Variants in RALGAPB observed in about 807,000 individuals in gnomAD.
RALGAPB encodes ral GTPase-activating protein subunit beta.
RALGAPB carries 25 observed loss-of-function variants against 161.1 expected under a neutral mutation model. That is an observed-to-expected ratio of 0.16 (90% CI 0.11 to 0.22). RALGAPB has a LOEUF of 0.22. Among genes scored for constraint, RALGAPB ranks in the 10% least tolerant of loss-of-function variants. The pLI is 1.00. For synonymous variants in RALGAPB, 629 were observed against 626.1 expected, an observed-to-expected ratio of 1.00 and a Z score of -0.07; for missense variants, 1,391 against 1,815.2, an observed-to-expected ratio of 0.77 and a Z score of 4.25.
chr20:38,549,534 A>T (rs1328815295), intron 20 of RALGAPB, among the ~76,000 whole-genome samples: 2 of 135,508 alleles, frequency 1.5e-5, no homozygotes, highest in Admixed American at 7.4e-5. Flanking sequence ...CAGCCTAATT[A>T]AAAAAAAAAA....
At chr20:38,566,885 A>G (rs2088019825) in intron 25 of RALGAPB, among the ~76,000 whole-genome samples, 1 of 152,248 alleles carries the variant, frequency 6.6e-6, no homozygotes, top group African/African-American at 2.4e-5. Context: ...AATAAAATAT[A>G]AAGAAGAATA....
chr20:38,529,763 C>T (rs1472377044), intron 13 of RALGAPB, among the ~76,000 whole-genome samples: 3 of 152,072 alleles, frequency 2.0e-5, no homozygotes, highest in Non-Finnish European at 4.4e-5. Context: ...ATTGCTTGAA[C>T]CCGGGAGGTG....
At chr20:38,564,877 C>T (rs9653614) in intron 24 of RALGAPB, among the ~76,000 whole-genome samples, 11,057 of 151,470 alleles carry the variant, frequency 0.073, 1,405 homozygotes, top group African/African-American at 0.25. Context: ...CTCCCTCCTC[C>T]TCCTCTTCCT....
intron 3 of RALGAPB, among the ~76,000 whole-genome samples, chr20:38,494,326 C>G (rs1325194683): frequency 5.9e-5 from 9 of 152,150 alleles, no homozygotes; most frequent in African/African-American, 2.2e-4. Context: ...ATTGATTTCA[C>G]ATGGAATTAA....
rs1202275164 is a variant in RALGAPB, at chr20:38,576,622, G to A, written c.*1655G>A. Reference sequence around the variant, plus strand: ...ATAGTTGATTTTCTTTTTAAGCTGGGCAATAAATTGATGTTTCCAGATGGT... The same window carrying A: ...ATAGTTGATTTTCTTTTTAAGCTGGACAATAAATTGATGTTTCCAGATGGT... On this transcript the variant is annotated 3_prime_UTR_variant, in exon 30 of 30. Coordinates refer to ENST00000262879, the MANE Select transcript of RALGAPB (RefSeq NM_020336.4). 2 of 152,280 alleles carry A rather than the reference G, an allele frequency of 1.3e-5. No individual in the cohort carries two copies. The highest frequency in any genetic ancestry group is 2.9e-5 in the Non-Finnish European group (2 of 68,050). 9.4% of individuals were successfully genotyped at this position (152,280 alleles called of 1,614,324 possible). A position where few individuals can be genotyped will look rare whatever the true frequency, so the allele number is the denominator to read the frequency against.
intron 1 of RALGAPB, among the ~76,000 whole-genome samples, chr20:38,478,877 A>G (rs1402872471): frequency 6.6e-6 from 1 of 152,142 alleles, no homozygotes; most frequent in Admixed American, 6.5e-5. Flanking sequence ...CGGCCTCCCA[A>G]AGTCCTGGGA....
Position 38,517,488 on chromosome 20 carries a change from C to G in RALGAPB, c.1052-18C>G, listed in dbSNP as rs1379829294. ...ACCTATGAAGAATAATTTCATTTGT[C>G]TTTTTTTTTTTTTTAAGGTATTTCT... On this transcript the variant is annotated intron_variant, in intron 7 of 29. Transcript: ENST00000262879. 1 of 832,884 alleles carries G rather than the reference C, an allele frequency of 1.2e-6. No homozygotes were observed. The highest frequency in any genetic ancestry group is 1.7e-6 in the Non-Finnish European group (1 of 585,454). 51.6% of individuals were successfully genotyped at this position (832,884 alleles called of 1,614,324 possible). A position where few individuals can be genotyped will look rare whatever the true frequency, so the allele number is the denominator to read the frequency against.
At chr20:38,515,843 T>C (rs1373134167) in intron 6 of RALGAPB, among the ~76,000 whole-genome samples, 1 of 152,158 alleles carries the variant, frequency 6.6e-6, no homozygotes, top group Non-Finnish European at 1.5e-5. Context: ...GCTCAAGTGA[T>C]CTGCCTCAGC....
chr20:38,571,183 C>T (rs1027097405), intron 28 of RALGAPB, among the ~76,000 whole-genome samples: 1 of 152,148 alleles, frequency 6.6e-6, no homozygotes, highest in Non-Finnish European at 1.5e-5. Flanking sequence ...CAGAAGTTTT[C>T]TCCTGCCCAC....
rs1264369151 is a variant in RALGAPB at position 38,575,486 on chromosome 20, CACTG to C, written c.*522_*525del. On this transcript the variant is annotated 3_prime_UTR_variant, in exon 30 of 30. Coordinates refer to ENST00000262879, the MANE Select transcript of RALGAPB (RefSeq NM_020336.4). Reference sequence around the variant, plus strand: ...AGGTCTTCTTGTCATCCAGCTGTCACACTGACAAAAAGAAAAGATGATACATGTT... The same window carrying C: ...AGGTCTTCTTGTCATCCAGCTGTCACACAAAAAGAAAAGATGATACATGTT... 3 of 153,512 alleles carry C rather than the reference CACTG, an allele frequency of 2.0e-5. No homozygotes were observed. The highest frequency in any genetic ancestry group is 2.1e-4 in the South Asian group (1 of 4,862). 9.5% of individuals were successfully genotyped at this position (153,512 alleles called of 1,614,324 possible).
rs376931767 is a variant in RALGAPB at position 38,535,110 on chromosome 20, G to A, written c.2282G>A (p.Arg761His). 3 of 1,613,874 alleles carry A rather than the reference G, an allele frequency of 1.9e-6. No individual in the cohort carries two copies. The highest frequency in any genetic ancestry group is 1.7e-5 in the Admixed American group (1 of 60,024). ...GATTCAGCTGCTGGGCTCCTGATTC[G>A]CAGCATTCATCTCGTCACCCAAAGA... is the stretch of plus-strand genomic sequence containing the variant. ...NTDSAAGLLI[R>H]SIHLVTQRLN... The change falls in exon 16 of 30, where the codon CGC (arginine) becomes CAC (histidine). Residue 761 changes from arginine to histidine, a missense_variant. This residue lies in a region of RALGAPB where 946 missense variants were observed against 1,257.2 expected (regional missense o/e 0.75). Transcript: ENST00000262879.
intron 22 of RALGAPB, among the ~76,000 whole-genome samples, chr20:38,555,677 C>T (rs1373044096): frequency 2.6e-5 from 4 of 152,090 alleles, no homozygotes; most frequent in Admixed American, 2.0e-4. Flanking sequence ...TATAGTTTTC[C>T]ACTTCTGTTA....
rs371773233 is a variant in RALGAPB at position 38,499,259 on chromosome 20, G to T, written c.554-188G>T. Among the ~76,000 whole-genome samples the T allele has an allele frequency of 3.9e-5, 6 of 152,076 alleles. No individual in the cohort carries two copies. In the East Asian group the frequency reaches 9.6e-4, roughly 24 times the overall value. On this transcript the variant is annotated intron_variant, in intron 4 of 29. Coordinates refer to ENST00000262879, the MANE Select transcript of RALGAPB (RefSeq NM_020336.4). ...TTTCAAAGTAAAAATTTTTTGATGT[G>T]TCTGTGATTTTGGGTACAGGAACTC...
Position 38,574,389 on chromosome 20 carries a change from ATAAT to A in RALGAPB, c.4291+96_4291+99del, listed in dbSNP as rs1419358553. On this transcript the variant is annotated intron_variant, in intron 29 of 29. Transcript: ENST00000262879. The stretch of plus-strand genomic sequence containing the variant: ...AAGAAGTAAAAATAAGGAAATGGTG[ATAAT>A]TAATAGCTTCCACATGTAGGAAATG... 8.7e-6 allele frequency: 12 copies of A among 1,375,558 alleles called. No individual in the cohort carries two copies. In the African/African-American group the frequency reaches 8.9e-5, roughly 10 times the overall value. 85.2% of individuals were successfully genotyped at this position (1,375,558 alleles called of 1,614,324 possible).
intron 3 of RALGAPB, among the ~76,000 whole-genome samples, chr20:38,493,601 T>C (rs1027341513): frequency 1.3e-5 from 2 of 152,202 alleles, no homozygotes; most frequent in Admixed American, 1.3e-4. Context: ...TTTTTCCATC[T>C]TAGGCAAGGG....
chr20:38,521,169 T>G (rs2086278912), intron 9 of RALGAPB, among the ~76,000 whole-genome samples: 2 of 152,132 alleles, frequency 1.3e-5, no homozygotes, highest in South Asian at 4.1e-4. Context: ...AGAAAAGAAA[T>G]AATAGAAAAG....
chr20:38,546,789 T>C (rs932945621), intron 19 of RALGAPB: 2 of 219,732 alleles, frequency 9.1e-6, no homozygotes, highest in Non-Finnish European at 1.8e-5. Flanking sequence ...GTATCAATTG[T>C]TGGTGCTACC....
intron 1 of RALGAPB, among the ~76,000 whole-genome samples, chr20:38,476,662 C>A (rs776933900): frequency 6.6e-6 from 1 of 152,162 alleles, no homozygotes; most frequent in Non-Finnish European, 1.5e-5. Flanking sequence ...ATAAACCTAT[C>A]AAAGTTGAGA....
At chr20:38,485,912 G>T (rs1400473430) in intron 1 of RALGAPB, among the ~76,000 whole-genome samples, 1 of 138,024 alleles carries the variant, frequency 7.2e-6, no homozygotes, top group Non-Finnish European at 1.6e-5. Context: ...TCTTTTTTCT[G>T]TTACATATAT....
Sources: gnomAD v4.1 joint callset for allele counts (sites outside exome capture counted in the v4.1 genomes callset) on GRCh38, gnomAD v4.1.1 for gene constraint, gnomAD v4.1.1 regional missense constraint, MANE v1.5 for transcripts, NCBI Gene and HGNC (gene_info 2026-07-23, HGNC 2026-07-21) for gene names.